Variants in CYP27C1 observed in about 807,000 individuals in gnomAD.
CYP27C1 encodes the protein cytochrome P450 27C1.
CYP27C1 carries 29 observed loss-of-function variants against 40.6 expected under a neutral mutation model. The ratio of observed to expected loss-of-function variants is 0.71; its 90% CI spans 0.53 to 0.97. CYP27C1 has a LOEUF of 0.97. CYP27C1 is among the 50% of genes least tolerant of loss of function. CYP27C1 has a pLI of 0.00. For missense variants in CYP27C1, 390 were observed against 485.8 expected (o/e 0.80, Z 1.85); for synonymous variants, 198 against 186.8 (o/e 1.06, Z -0.49).
At position 127,200,840 on chromosome 2, in the gene CYP27C1, G is replaced by A. The variant is rs1048247763; in HGVS notation, c.883+282C>T. On this transcript the variant is annotated intron_variant, in intron 4 of 8. Transcript: ENST00000664447. This position sits in a 1 kb window ranked among gnomAD's most constrained non-coding sequence, Gnocchi z 4.2. ...TAGCCAGGCATGGTGGCAGGTGCCT[G>A]TAATCGCAGCTACTCAGGAGGCTGA... 6.6e-6 allele frequency among the ~76,000 whole-genome samples: 1 copy of A among 152,094 alleles called. No homozygotes were observed. The highest frequency in any genetic ancestry group is 1.5e-5 in the Non-Finnish European group (1 of 68,022).
chr2:127,218,909 C>T lies in CYP27C1; in HGVS notation c.282+1080G>A, dbSNP rs1244217426. ...TGCAGTGCCCCTGCCACGAAGGGCG[C>T]AACGGAGGTGGGCGTGGGAAGGACA... is the stretch of plus-strand genomic sequence containing the variant. On this transcript the variant is annotated intron_variant, in intron 1 of 8. Transcript: ENST00000664447. The surrounding 1 kb of genome is among the most constrained non-coding windows in gnomAD (Gnocchi z 6.0). 5.3e-5 allele frequency among the ~76,000 whole-genome samples: 8 copies of T among 152,202 alleles called. No individual in the cohort carries two copies. The highest frequency in any genetic ancestry group is 5.2e-4 in the Admixed American group (8 of 15,286).
rs1013685437 is a variant in CYP27C1 at position 127,187,197 on chromosome 2, G to A, written c.*74C>T. 2.6e-6 allele frequency: 3 copies of A among 1,143,652 alleles called. No individual in the cohort carries two copies. The African/African-American group carries it at 8.9e-5, about 34-fold the overall frequency. 70.8% of individuals were successfully genotyped at this position (1,143,652 alleles called of 1,614,324 possible). On this transcript the variant is annotated 3_prime_UTR_variant, in exon 9 of 9. Coordinates refer to ENST00000664447, the MANE Select transcript of CYP27C1 (RefSeq NM_001367502.1). ...CGACATCGCTTTCCTTCTCCACGGT[G>A]ATCAGCGAACACAAATACCCACTGT... is the stretch of plus-strand genomic sequence containing the variant.
intron 3 of CYP27C1, among the ~76,000 whole-genome samples, chr2:127,202,318 G>A (rs1455823258): frequency 6.6e-6 from 1 of 152,066 alleles, no homozygotes; most frequent in Non-Finnish European, 1.5e-5. Flanking sequence ...TAGAGACAGG[G>A]TTTCACCATG....
At position 127,204,610 on chromosome 2, in the gene CYP27C1, A is replaced by C. The variant is rs142659954; in HGVS notation, c.474-1039T>G. 8.8e-3 allele frequency among the ~76,000 whole-genome samples: 907 copies of C among 102,660 alleles called. 24 individuals carry two copies. Among genetic ancestry groups the C allele is most frequent in the African/African-American group, 0.034 (824 of 24,544 alleles). The allele number at this position is 102,660 out of a possible 152,430, so 67.3% of individuals were successfully genotyped here. On this transcript the variant is annotated intron_variant, in intron 2 of 8. Transcript: ENST00000664447. ...GAAAGAAAGAAAGAAAGAAAGAAAG[A>C]AAGAAAGAAAGAAAGAAGACTGCAG...
intron 5 of CYP27C1, among the ~76,000 whole-genome samples, chr2:127,198,186 T>TACACACAC (rs3033450): frequency 0.43 from 63,412 of 147,922 alleles, 14,855 homozygotes; most frequent in Middle Eastern, 0.55. Context: ...AATTTGTTGA[T>TACACACAC]ACACACACAC....
At position 127,186,058 on chromosome 2, in the gene CYP27C1, T is replaced by A. The variant is rs1173022630; in HGVS notation, c.*1213A>T. On this transcript the variant is annotated 3_prime_UTR_variant, in exon 9 of 9. Transcript: ENST00000664447. This position sits in a 1 kb window ranked among gnomAD's most constrained non-coding sequence, Gnocchi z 4.5. Reference sequence around the variant, plus strand: ...TGTAGCATCTCTATTTATGTATTTATTTTCCCTTGAAATAAAAATGTTCTA... The same window carrying A: ...TGTAGCATCTCTATTTATGTATTTAATTTCCCTTGAAATAAAAATGTTCTA... 6.6e-6 allele frequency: 1 copy of A among 152,226 alleles called. No individual in the cohort carries two copies. Among genetic ancestry groups the A allele is most frequent in the Non-Finnish European group, 1.5e-5 (1 of 68,044 alleles). 9.4% of individuals were successfully genotyped at this position (152,226 alleles called of 1,614,324 possible). A position where few individuals can be genotyped will look rare whatever the true frequency, so the allele number is the denominator to read the frequency against.
chr2:127,203,380 G>T lies in CYP27C1; in HGVS notation c.665C>A (p.Ser222Ter). Residue 222 changes from serine (S) to a stop codon, truncating the protein, a stop_gained, in exon 3 of 9, where the codon TCA (serine) becomes TAA (stop). Coordinates refer to ENST00000664447, the MANE Select transcript of CYP27C1 (RefSeq NM_001367502.1). LOFTEE classifies it high-confidence loss of function. Reference sequence around the variant, plus strand: ...TGCTGATTCCACCTCACCTTCCATTGAATATTTGAAGAAAAGATCATTGAC... The same window carrying T: ...TGCTGATTCCACCTCACCTTCCATTTAATATTTGAAGAAAAGATCATTGAC... ...TNVNDLFFKY[S>*]MEGVATILYE... 1 of 1,612,234 alleles carries T rather than the reference G, an allele frequency of 6.2e-7. No homozygotes were observed. Among genetic ancestry groups the T allele is most frequent in the South Asian group, 1.1e-5 (1 of 90,556 alleles).
chr2:127,199,270 G>A, intron 5 of CYP27C1, 106 bp downstream of exon 5: 1 of 1,447,856 alleles, frequency 6.9e-7, no homozygotes, highest in East Asian at 2.3e-5. Context: ...CTGGGCAATA[G>A]AGTAAAACTC....
intron 1 of CYP27C1, among the ~76,000 whole-genome samples, chr2:127,207,314 G>T (rs997634679): frequency 2.0e-5 from 3 of 152,184 alleles, no homozygotes; most frequent in Admixed American, 6.5e-5. Context: ...AGCCAACATG[G>T]TGAAACCCCA....
At chr2:127,207,464 C>A (rs1683251105) in intron 1 of CYP27C1, among the ~76,000 whole-genome samples, 1 of 152,020 alleles carries the variant, frequency 6.6e-6, no homozygotes, top group African/African-American at 2.4e-5. Context: ...CCATTGCACT[C>A]CACCCTGGGC....
rs1458789192 is a variant in CYP27C1, at chr2:127,204,459, A to G, written c.474-888T>C. Among the ~76,000 whole-genome samples the G allele has an allele frequency of 4.4e-4, 23 of 51,794 alleles. 1 individual carries two copies. Among genetic ancestry groups the G allele is most frequent in the Non-Finnish European group, 7.7e-4 (20 of 25,878 alleles). 34.0% of individuals were successfully genotyped at this position (51,794 alleles called of 152,430 possible). The stretch of plus-strand genomic sequence containing the variant: ...GAAAGAAAAAGAAAGAAAGAAAGAA[A>G]GAAAGAAAGAAAGAAAGAAAGAAAG... On this transcript the variant is annotated intron_variant, in intron 2 of 8. Transcript: ENST00000664447.
chr2:127,211,792 G>A (rs558722022), intron 1 of CYP27C1, among the ~76,000 whole-genome samples: 2 of 152,042 alleles, frequency 1.3e-5, no homozygotes, highest in South Asian at 2.1e-4. Context: ...CTAAAGAGGC[G>A]AGAGCAAACT....
chr2:127,202,623 T>C (rs1371987733), intron 3 of CYP27C1, among the ~76,000 whole-genome samples: 1 of 152,242 alleles, frequency 6.6e-6, no homozygotes, highest in African/African-American at 2.4e-5. Flanking sequence ...TGAAGCCTTT[T>C]TGGTATTGCT....
chr2:127,195,604 A>T lies in CYP27C1; in HGVS notation c.1048-103T>A. 8.3e-7 allele frequency: 1 copy of T among 1,207,646 alleles called. No homozygotes were observed. The allele number at this position is 1,207,646 out of a possible 1,614,324, so 74.8% of individuals were successfully genotyped here. On this transcript the variant is annotated intron_variant, in intron 5 of 8. Coordinates refer to ENST00000664447, the MANE Select transcript of CYP27C1 (RefSeq NM_001367502.1). The surrounding 1 kb of genome is among the most constrained non-coding windows in gnomAD (Gnocchi z 6.2). ...AGTCCCCTGGGAATACACACAGCAC[A>T]AAGTCAAACTCATCCAATTCCATAT...
At chr2:127,216,839 G>C (rs1205450871) in intron 1 of CYP27C1, among the ~76,000 whole-genome samples, 1 of 152,124 alleles carries the variant, frequency 6.6e-6, no homozygotes, top group Non-Finnish European at 1.5e-5. Context: ...TTTGGTATCT[G>C]CCCAGCTTTC....
At chr2:127,190,684 C>T (rs1010067394) in intron 8 of CYP27C1, among the ~76,000 whole-genome samples, 3 of 150,692 alleles carry the variant, frequency 2.0e-5, no homozygotes, top group African/African-American at 7.3e-5. Context: ...TGCTGGCTCA[C>T]ACCTGTAATC....
In CYP27C1 at chr2:127,209,905, G is replaced by T. The variant is rs1192686785; in HGVS notation, c.283-3815C>A. Among the ~76,000 whole-genome samples, 1 of 152,232 alleles carries T rather than the reference G, an allele frequency of 6.6e-6. No individual in the cohort carries two copies. The highest frequency in any genetic ancestry group is 1.5e-5 in the Non-Finnish European group (1 of 68,046). ...CTACAATCGACTGGAGCACCAGAAG[G>T]AGACGGGGAGAATGGAAACAAGCTG... On this transcript the variant is annotated intron_variant, in intron 1 of 8. Transcript: ENST00000664447. The surrounding 1 kb of genome is among the most constrained non-coding windows in gnomAD (Gnocchi z 4.1).
chr2:127,202,915 T>G lies in CYP27C1; in HGVS notation c.673+457A>C, dbSNP rs192312119. Among the ~76,000 whole-genome samples, 509 of 152,228 alleles carry G rather than the reference T, an allele frequency of 3.3e-3. 11 individuals carry two copies. Among genetic ancestry groups the G allele is most frequent in the Admixed American group, 0.031 (474 of 15,300 alleles). On this transcript the variant is annotated intron_variant, in intron 3 of 8. Coordinates refer to ENST00000664447, the MANE Select transcript of CYP27C1 (RefSeq NM_001367502.1). Reference sequence around the variant, plus strand: ...CAGGTGCAGTGGCTCATGCCTGTAATCCCAGCACTTTGGGAGGCCAAGGCG... The same window carrying G: ...CAGGTGCAGTGGCTCATGCCTGTAAGCCCAGCACTTTGGGAGGCCAAGGCG...
At chr2:127,202,110 C>T (rs1252069193) in intron 3 of CYP27C1, among the ~76,000 whole-genome samples, 3 of 150,598 alleles carry the variant, frequency 2.0e-5, no homozygotes, top group Admixed American at 2.0e-4. Context: ...ACAAACATCA[C>T]CATGTTAGAC....
Sources: gnomAD v4.1 joint callset for allele counts (sites outside exome capture counted in the v4.1 genomes callset) on GRCh38, gnomAD v4.1.1 for gene constraint, Gnocchi (gnomAD v3.1) non-coding constraint, MANE v1.5 for transcripts, NCBI Gene and HGNC (gene_info 2026-07-23, HGNC 2026-07-21) for gene names.